The following PPP2R2B variants were observed in gnomAD, a reference collection of about 807,000 sequenced individuals.
PPP2R2B encodes the protein serine/threonine-protein phosphatase 2A 55 kDa regulatory subunit B beta isoform.
A neutral mutation model predicts 46.0 loss-of-function variants in PPP2R2B; 5 were observed. The observed-to-expected ratio is 0.11, with a 90% CI of 0.06 to 0.23. The LOEUF (loss-of-function observed/expected upper bound fraction) is 0.23, where lower values mean the gene tolerates loss of function less well. Ranked by LOEUF, PPP2R2B falls within the 10% of genes least tolerant of loss-of-function variation. The pLI is 1.00. For missense variants in PPP2R2B, 367 were observed against 575.0 expected (o/e 0.64, Z 3.70); for synonymous variants, 215 against 206.7 (o/e 1.04, Z -0.34).
chr5:146,636,428 T>G (rs1774827716), intron 7 of PPP2R2B, among the ~76,000 whole-genome samples: 1 of 152,218 alleles, frequency 6.6e-6, no homozygotes. Context: ...TTCACATGAA[T>G]TTTTAGAAAG....
chr5:146,958,494 A>G (rs950528390), intron 1 of PPP2R2B, among the ~76,000 whole-genome samples: 1 of 152,180 alleles, frequency 6.6e-6, no homozygotes, highest in African/African-American at 2.4e-5. Flanking sequence ...TACCGTCACT[A>G]CCAAAAATAA....
intron 2 of PPP2R2B, among the ~76,000 whole-genome samples, chr5:146,777,713 T>C (rs549094814): frequency 5.3e-5 from 8 of 152,290 alleles, no homozygotes; most frequent in African/African-American, 1.7e-4. Context: ...CTATGACATA[T>C]ACAAAACCAT....
At chr5:147,065,847 G>A (rs1757399413) in intron 2 of PPP2R2B, among the ~76,000 whole-genome samples, 1 of 152,050 alleles carries the variant, frequency 6.6e-6, no homozygotes, top group Admixed American at 6.6e-5. Flanking sequence ...AAAAATGAAA[G>A]AGTTTATGGG....
intron 2 of PPP2R2B, among the ~76,000 whole-genome samples, chr5:146,845,128 A>C (rs907945107): frequency 1.3e-5 from 2 of 152,076 alleles, no homozygotes; most frequent in East Asian, 3.9e-4. Flanking sequence ...TGTTTCTTCT[A>C]CTTGATTAGC....
intron 1 of PPP2R2B, among the ~76,000 whole-genome samples, chr5:146,918,641 T>G (rs1249190737): frequency 6.6e-6 from 1 of 152,194 alleles, no homozygotes; most frequent in South Asian, 2.1e-4. Context: ...CTAATACCAC[T>G]CTGCCCCTTT....
At chr5:146,808,439 T>C (rs1757324117) in intron 2 of PPP2R2B, among the ~76,000 whole-genome samples, 1 of 152,224 alleles carries the variant, frequency 6.6e-6, no homozygotes, top group African/African-American at 2.4e-5. Context: ...GTTTCACTGC[T>C]TCTCAGTATT....
At chr5:146,764,206 G>A (rs1346508108) in intron 2 of PPP2R2B, among the ~76,000 whole-genome samples, 1 of 152,100 alleles carries the variant, frequency 6.6e-6, no homozygotes. Flanking sequence ...GCTGTGGGCT[G>A]TAGGGACCTG....
intron 2 of PPP2R2B, among the ~76,000 whole-genome samples, chr5:147,076,862 C>T (rs1427543853): frequency 6.6e-6 from 1 of 151,854 alleles, no homozygotes; most frequent in African/African-American, 2.4e-5. Context: ...GAGACAGTAC[C>T]CTGGATATAG....
At chr5:146,832,687 G>A (rs540928607) in intron 2 of PPP2R2B, among the ~76,000 whole-genome samples, 10 of 151,874 alleles carry the variant, frequency 6.6e-5, no homozygotes, top group South Asian at 4.2e-4. Flanking sequence ...CACTGTGCCC[G>A]GCCATTTTTA....
Position 147,030,383 on chromosome 5 carries a change from A to C in PPP2R2B, c.79+25282T>G, listed in dbSNP as rs908108655. On this transcript the variant is annotated intron_variant, in intron 1 of 8. Coordinates refer to the PPP2R2B transcript ENST00000336640. ...TGTTGATTCTAATAGTTTGCCTATAAGTACTTTCATATTTTCTATGAAAAT... is the reference window on the plus strand; with the variant it reads ...TGTTGATTCTAATAGTTTGCCTATACGTACTTTCATATTTTCTATGAAAAT... 3.3e-5 allele frequency among the ~76,000 whole-genome samples: 5 copies of C among 152,174 alleles called. No homozygotes were observed. In the South Asian group the frequency reaches 8.3e-4, roughly 25 times the overall value.
At chr5:146,661,125 G>C (rs1334296861) in intron 5 of PPP2R2B, among the ~76,000 whole-genome samples, 1 of 152,200 alleles carries the variant, frequency 6.6e-6, no homozygotes, top group Non-Finnish European at 1.5e-5. Context: ...GAGCGATTTT[G>C]CCACTGGGCA....
At chr5:146,837,901 C>A (rs1281989386) in intron 2 of PPP2R2B, among the ~76,000 whole-genome samples, 1 of 152,092 alleles carries the variant, frequency 6.6e-6, no homozygotes, top group Non-Finnish European at 1.5e-5. Context: ...ATCAGAGAAA[C>A]TGATTAAGCA....
intron 2 of PPP2R2B, among the ~76,000 whole-genome samples, chr5:146,876,156 T>C (rs1213022968): frequency 2.0e-5 from 3 of 152,200 alleles, no homozygotes; most frequent in Non-Finnish European, 4.4e-5. Context: ...GCCAGAAATC[T>C]CATTGCTATA....
intron 1 of PPP2R2B, among the ~76,000 whole-genome samples, chr5:146,901,666 G>A (rs1448504211): frequency 6.6e-6 from 1 of 152,068 alleles, no homozygotes; most frequent in Non-Finnish European, 1.5e-5. Context: ...GAAGCTTTCA[G>A]TCTAGGAAGA....
chr5:147,007,033 G>T (rs940211120), intron 1 of PPP2R2B, among the ~76,000 whole-genome samples: 3 of 152,032 alleles, frequency 2.0e-5, no homozygotes, highest in Admixed American at 6.6e-5. Flanking sequence ...TAACCTCCTT[G>T]TCAAATTTGT....
intron 2 of PPP2R2B, among the ~76,000 whole-genome samples, chr5:146,765,232 T>C (rs905379870): frequency 3.9e-5 from 6 of 152,240 alleles, no homozygotes; most frequent in African/African-American, 1.4e-4. Flanking sequence ...GTAGTTTTCA[T>C]ATGATATCTG....
At chr5:146,617,269 A>G (rs1318712528) in intron 7 of PPP2R2B, among the ~76,000 whole-genome samples, 12 of 152,240 alleles carry the variant, frequency 7.9e-5, no homozygotes, top group Admixed American at 6.5e-4. Flanking sequence ...ACAAAAAAAT[A>G]GAAAGGATGA....
intron 1 of PPP2R2B, among the ~76,000 whole-genome samples, chr5:147,027,644 A>AAAG (rs1253320759): frequency 2.0e-5 from 3 of 151,718 alleles, no homozygotes; most frequent in African/African-American, 7.3e-5. Context: ...CAAAAAAAAA[A>AAAG]AAAAAAATTT....
rs374930484 is a variant in PPP2R2B at position 146,793,046 on chromosome 5, A to T, written c.70+84956T>A. On this transcript the variant is annotated intron_variant, in intron 2 of 9. Transcript: ENST00000394411. ...ACTGCTACAACAAAGTATGTTAGAT[A>T]CTTGCTTGCATCAGCACGGTAGCAG... Among the ~76,000 whole-genome samples the T allele has an allele frequency of 3.4e-3, 522 of 152,350 alleles. 5 individuals carry two copies. The highest frequency in any genetic ancestry group is 8.5e-3 in the South Asian group (41 of 4,826).
Sources: gnomAD v4.1 joint callset for allele counts (sites outside exome capture counted in the v4.1 genomes callset) on GRCh38, gnomAD v4.1.1 for gene constraint, MANE v1.5 for transcripts, NCBI Gene and HGNC (gene_info 2026-07-23, HGNC 2026-07-21) for gene names.